EEF2: variants seen among roughly 807,000 people sequenced by gnomAD.
The protein encoded by EEF2 is elongation factor 2.
EEF2 carries 21 observed loss-of-function variants against 85.3 expected under a neutral mutation model. The observed-to-expected ratio is 0.25, with a 90% CI of 0.17 to 0.35. The LOEUF is 0.35. Ranked by LOEUF, EEF2 falls within the 10% of genes least tolerant of loss-of-function variation. EEF2 has a pLI of 1.00. For missense variants in EEF2, 825 were observed against 1,225.3 expected (o/e 0.67, Z 4.88); for synonymous variants, 723 against 508.8 (o/e 1.42, Z -5.67).
chr19:3,976,736 C>A lies in EEF2; in HGVS notation c.2395G>T (p.Asp799Tyr). ...TGGCCGCCCGTGTTGGACCTCAGGT[C>A]AGCGGTGAAGCCTGCAGAGGGAAGC... ...PVNESFGFTA[D>Y]LRSNTGGQAF... The change falls in exon 15 of 15, where the codon GAC becomes TAC. Residue 799 changes from aspartate to tyrosine, a missense_variant. Transcript: ENST00000309311. 6.3e-7 allele frequency: 1 copy of A among 1,587,970 alleles called. No homozygotes were observed. The highest frequency in any genetic ancestry group is 8.5e-7 in the Non-Finnish European group (1 of 1,171,422).
rs1456812799 is a variant in EEF2 at position 3,984,125 on chromosome 19, A to G, written c.218+11T>C. The stretch of plus-strand genomic sequence containing the variant: ...CTCCCTGCCTGGGTACAGAGGGCAC[A>G]GGGAGCTCACGTTGACTTGATGGTG... On this transcript the variant is annotated intron_variant, in intron 2 of 14. Coordinates refer to ENST00000309311, the MANE Select transcript of EEF2 (RefSeq NM_001961.4). The G allele has an allele frequency of 6.2e-7, 1 of 1,613,084 alleles. No individual in the cohort carries two copies. Among genetic ancestry groups the G allele is most frequent in the South Asian group, 1.1e-5 (1 of 91,072 alleles).
chr19:3,976,799 GAAGGA>G (rs2145355184), intron 14 of EEF2, 52 bp from the exon 15 acceptor site: 1 of 1,466,548 alleles, frequency 6.8e-7, no homozygotes, highest in Non-Finnish European at 9.0e-7. Context: ...TGGCAGGGCA[GAAGGA>G]AAGTCCTGTC....
Position 3,978,116 on chromosome 19 carries a change from G to T in EEF2, c.1770C>A (p.Leu590=). 6.6e-7 allele frequency: 1 copy of T among 1,507,960 alleles called. No individual in the cohort carries two copies. The highest frequency in any genetic ancestry group is 1.4e-5 in the African/African-American group (1 of 72,478). The allele number at this position is 1,507,960 out of a possible 1,614,324, so 93.4% of individuals were successfully genotyped here. A position where few individuals can be genotyped will look rare whatever the true frequency, so the allele number is the denominator to read the frequency against. ...RETVSEESNV[L]CLSKSPNKHN... ...GCTTGTTGGGGGACTTGGAGAGGCA[G>T]AGCACGTTCGACTCTTCACTGACCG... The change falls in exon 12 of 15, where the codon CTC becomes CTA. Residue 590 remains leucine, a synonymous_variant. Transcript: ENST00000309311.
chr19:3,979,776 G>C, intron 10 of EEF2, 32 bp downstream of exon 10: 1 of 1,600,362 alleles, frequency 6.2e-7, no homozygotes, highest in Non-Finnish European at 8.5e-7. Context: ...CCCTCAGGGT[G>C]TCTGCTCCCA....
Position 3,980,473 on chromosome 19 carries a change from G to C in EEF2, c.1346+41C>G, listed in dbSNP as rs777284850. Reference sequence around the variant, plus strand: ...CAAGACTTGGAGCAGGGCAGGGCCCGCAACAGTGCCAAGGGGCCTGCACAT... The same window carrying C: ...CAAGACTTGGAGCAGGGCAGGGCCCCCAACAGTGCCAAGGGGCCTGCACAT... On this transcript the variant is annotated intron_variant, in intron 9 of 14. Transcript: ENST00000309311. The C allele has an allele frequency of 1.9e-6, 3 of 1,584,320 alleles. No homozygotes were observed. In the East Asian group the frequency reaches 6.7e-5, roughly 36 times the overall value.
At position 3,979,780 on chromosome 19, in the gene EEF2, G is replaced by T. The variant is rs752260129; in HGVS notation, c.1605+28C>A. On this transcript the variant is annotated intron_variant, in intron 10 of 14. Transcript: ENST00000309311. ...CAAGCCGTCCCCCCTCAGGGTGTCTGCTCCCAGCAGGTGCACTCCGTGCCC... is the reference window on the plus strand; with the variant it reads ...CAAGCCGTCCCCCCTCAGGGTGTCTTCTCCCAGCAGGTGCACTCCGTGCCC... The T allele has an allele frequency of 6.9e-6, 11 of 1,601,938 alleles. No homozygotes were observed. In the South Asian group the frequency reaches 1.1e-4, roughly 16 times the overall value.
chr19:3,983,073 G>A (rs1241051452), intron 3 of EEF2, 37 bp downstream of exon 3: 14 of 1,611,514 alleles, frequency 8.7e-6, no homozygotes, highest in South Asian at 7.7e-5. Flanking sequence ...GATGGCCCCC[G>A]GTTCCAGGCC....
At chr19:3,984,807 G>A (rs975626251) in intron 1 of EEF2, 11 of 189,938 alleles carry the variant, frequency 5.8e-5, no homozygotes, top group Non-Finnish European at 1.0e-4. Context: ...GGAAATAACG[G>A]GGAGCCGGAA....
chr19:3,982,426 TG>T lies in EEF2; in HGVS notation c.613-3del, dbSNP rs754290080. Reference sequence around the variant, plus strand: ...CACGGTACCGAGGACAGGATCGATCTGGAAGTGTGAGAAACGAGAAGCAGCC... The same window carrying T: ...CACGGTACCGAGGACAGGATCGATCTGAAGTGTGAGAAACGAGAAGCAGCC... On this transcript the variant is annotated splice_region_variant and splice_polypyrimidine_tract_variant and intron_variant, in intron 4 of 14. Transcript: ENST00000309311. The T allele has an allele frequency of 3.7e-6, 6 of 1,613,856 alleles. No homozygotes were observed. The highest frequency in any genetic ancestry group is 5.1e-6 in the Non-Finnish European group (6 of 1,180,032).
At position 3,981,403 on chromosome 19, in the gene EEF2, A is replaced by C. The variant is rs372856139; in HGVS notation, c.947T>G (p.Ile316Arg). The C allele has an allele frequency of 1.2e-5, 19 of 1,614,194 alleles. No individual in the cohort carries two copies. Among genetic ancestry groups the C allele is most frequent in the Non-Finnish European group, 1.6e-5 (19 of 1,180,042 alleles). Residue 316 changes from isoleucine (I) to arginine (R), a missense_variant, in exon 7 of 15, where the codon ATA becomes AGA. By Grantham distance (97) the Ile-to-Arg change is moderately conservative (BLOSUM62 -3). Transcript: ENST00000309311. ...GTCCAGTTTGATGTCCAGTTTCTCT[A>C]TCAGTTTTGCTGTCTCCTCTTTCTT... Reference protein sequence around the residue: ...NFKKEETAKLIEKLDIKLDSE... With the variant: ...NFKKEETAKLREKLDIKLDSE...
Position 3,977,393 on chromosome 19 carries a change from G to T in EEF2, c.2250+35C>A, listed in dbSNP as rs556899179. 6.3e-6 allele frequency: 10 copies of T among 1,591,070 alleles called. No individual in the cohort carries two copies. The Admixed American group carries it at 9.0e-5, about 14-fold the overall frequency. On this transcript the variant is annotated intron_variant, in intron 13 of 14. Coordinates refer to ENST00000309311, the MANE Select transcript of EEF2 (RefSeq NM_001961.4). The surrounding 1 kb of genome is among the most constrained non-coding windows in gnomAD (Gnocchi z 5.4). ...CCTGTCAGTGGCCGCTGGGCAGGAC[G>T]GTGGCAGGGTCAGCGGTGGGCGGGT... is the stretch of plus-strand genomic sequence containing the variant.
At chr19:3,981,874 C>A in intron 6 of EEF2, 73 bp downstream of exon 6, 1 of 1,419,942 alleles carries the variant, frequency 7.0e-7, no homozygotes, top group Non-Finnish European at 9.8e-7. Flanking sequence ...AGCCGACAGG[C>A]TACCGGCCGG....
Position 3,977,286 on chromosome 19 carries a change from A to G in EEF2, c.2312T>C (p.Phe771Ser), listed in dbSNP as rs1568198417. 6.2e-7 allele frequency: 1 copy of G among 1,610,430 alleles called. No homozygotes were observed. The highest frequency in any genetic ancestry group is 8.5e-7 in the Non-Finnish European group (1 of 1,178,404). ...GGTGCCGGCCACCTGGGACTCCTCGAACACGTGGCCCCGCTTCCTGTTCAA... is the reference window on the plus strand; with the variant it reads ...GGTGCCGGCCACCTGGGACTCCTCGGACACGTGGCCCCGCTTCCTGTTCAA... Reference protein sequence around the residue: ...GVLNRKRGHVFEESQVAGTPM... With the variant: ...GVLNRKRGHVSEESQVAGTPM... Residue 771 changes from phenylalanine (F) to serine (S), a missense_variant, in exon 14 of 15, where the codon TTC becomes TCC. Phe to Ser is a radical substitution (Grantham distance 155). Coordinates refer to ENST00000309311, the MANE Select transcript of EEF2 (RefSeq NM_001961.4). This position sits in a 1 kb window ranked among gnomAD's most constrained non-coding sequence, Gnocchi z 5.4.
At chr19:3,983,871 T>C (rs2039786504) in intron 2 of EEF2, 2 of 518,748 alleles carry the variant, frequency 3.9e-6, no homozygotes, top group South Asian at 2.2e-5. Context: ...CTCCAGATAT[T>C]GTAGGAGTGG....
At position 3,976,739 on chromosome 19, in the gene EEF2, C is replaced by T. The variant is rs767823532; in HGVS notation, c.2392G>A (p.Ala798Thr). 1 of 1,582,494 alleles carries T rather than the reference C, an allele frequency of 6.3e-7. No homozygotes were observed. The highest frequency in any genetic ancestry group is 8.6e-7 in the Non-Finnish European group (1 of 1,169,030). ...LPVNESFGFT[A>T]DLRSNTGGQA... ...CCGCCCGTGTTGGACCTCAGGTCAG[C>T]GGTGAAGCCTGCAGAGGGAAGCGAG... is the stretch of plus-strand genomic sequence containing the variant. The change falls in exon 15 of 15, where the codon GCT (alanine) becomes ACT (threonine). Residue 798 changes from alanine to threonine, a missense_variant. Coordinates refer to ENST00000309311, the MANE Select transcript of EEF2 (RefSeq NM_001961.4).
Position 3,979,401 on chromosome 19 carries a change from C to T in EEF2, c.1641G>A (p.Ala547=), listed in dbSNP as rs751031224. 17 of 1,613,788 alleles carry T rather than the reference C, an allele frequency of 1.1e-5. No individual in the cohort carries two copies. Among genetic ancestry groups the T allele is most frequent in the African/African-American group, 2.7e-5 (2 of 74,894 alleles). The change falls in exon 11 of 15, where the codon GCG becomes GCA. Residue 547 remains alanine, a synonymous_variant. Coordinates refer to ENST00000309311, the MANE Select transcript of EEF2 (RefSeq NM_001961.4). ...TCTCCAGGTGCAGCTCGCCGGCGCC[C>T]GCGATGATATGCTCTCCCGACTCCT... ...IIEESGEHII[A]GAGELHLEIC...
chr19:3,983,040 C>A, intron 3 of EEF2, 22 bp from the exon 4 acceptor site: 2 of 1,611,818 alleles, frequency 1.2e-6, no homozygotes, highest in South Asian at 2.2e-5. Flanking sequence ...GGGGACAGGG[C>A]GGCGCTGTCA....
Position 3,985,453 on chromosome 19 carries a change from C to T in EEF2, c.-73G>A. 1.4e-6 allele frequency: 2 copies of T among 1,416,890 alleles called. No homozygotes were observed. The highest frequency in any genetic ancestry group is 1.9e-6 in the Non-Finnish European group (2 of 1,075,274). 87.8% of individuals were successfully genotyped at this position (1,416,890 alleles called of 1,614,324 possible). On this transcript the variant is annotated 5_prime_UTR_variant, in exon 1 of 15. Transcript: ENST00000309311. Reference sequence around the variant, plus strand: ...GTCGCGCCGAGGATGGCGGCGACGACGGCGGAAGAGAACGCTGACGTCAAC... The same window carrying T: ...GTCGCGCCGAGGATGGCGGCGACGATGGCGGAAGAGAACGCTGACGTCAAC...
chr19:3,979,344 G>A lies in EEF2; in HGVS notation c.1698C>T (p.Ala566=). 15 of 1,614,036 alleles carry A rather than the reference G, an allele frequency of 9.3e-6. No homozygotes were observed. The highest frequency in any genetic ancestry group is 1.3e-5 in the Non-Finnish European group (15 of 1,179,966). Residue 566 remains alanine (A), a synonymous_variant, in exon 11 of 15, where the codon GCC becomes GCT. Transcript: ENST00000309311. Reference sequence around the variant, plus strand: ...GGCGCCTCACCTTGATGGGGATGCAGGCGTGGTCCTCCTCCAGGTCCTTCA... The same window carrying A: ...GGCGCCTCACCTTGATGGGGATGCAAGCGTGGTCCTCCTCCAGGTCCTTCA... The part of the protein sequence containing the change: ...ICLKDLEEDH[A]CIPIKKSDPV...
Sources: gnomAD v4.1 joint callset for allele counts on GRCh38, gnomAD v4.1.1 for gene constraint, Gnocchi (gnomAD v3.1) non-coding constraint, MANE v1.5 for transcripts, NCBI Gene and HGNC (gene_info 2026-07-23, HGNC 2026-07-21) for gene names.